Variants in CMTM8 observed in about 807,000 individuals in gnomAD.
The protein encoded by CMTM8 is CKLF like MARVEL transmembrane domain containing 8, also known as CKLF-like MARVEL transmembrane domain-containing protein 8.
CMTM8 carries 12 observed loss-of-function variants against 18.6 expected under a neutral mutation model. That is an observed-to-expected ratio of 0.65 (90% CI 0.41 to 1.05). The LOEUF (loss-of-function observed/expected upper bound fraction) is 1.05. Among genes scored for constraint, CMTM8 ranks in the 50% least tolerant of loss-of-function variants. CMTM8 has a pLI of 0.00. For synonymous variants in CMTM8, 87 were observed against 90.6 expected, an observed-to-expected ratio of 0.96 and a Z score of 0.23; for missense variants, 217 against 227.2, an observed-to-expected ratio of 0.95 and a Z score of 0.29.
intron 1 of CMTM8, among the ~76,000 whole-genome samples, chr3:32,253,965 C>T (rs796236735): frequency 2.6e-5 from 4 of 151,902 alleles, no homozygotes; most frequent in South Asian, 2.1e-4. Flanking sequence ...ACAATCTCAG[C>T]TCACTGCAAC....
At chr3:32,252,207 T>C (rs143440591) in intron 1 of CMTM8, among the ~76,000 whole-genome samples, 108 of 152,386 alleles carry the variant, frequency 7.1e-4, no homozygotes, top group Admixed American at 3.1e-3. Flanking sequence ...CTATTAATCA[T>C]ATTTTATTTC....
chr3:32,240,750 T>C (rs1295693798), intron 1 of CMTM8, among the ~76,000 whole-genome samples: 1 of 152,130 alleles, frequency 6.6e-6, no homozygotes, highest in Non-Finnish European at 1.5e-5. Flanking sequence ...ACTACTATAG[T>C]TTTTATTTTT....
At chr3:32,280,789 G>A (rs73067586) in intron 1 of CMTM8, among the ~76,000 whole-genome samples, 9,883 of 132,598 alleles carry the variant, frequency 0.075, 372 homozygotes, top group South Asian at 0.091. Context: ...GGGTGGAGTC[G>A]ACCCTACTCA....
At chr3:32,278,966 C>T (rs116166185) in intron 1 of CMTM8, among the ~76,000 whole-genome samples, 2 of 152,058 alleles carry the variant, frequency 1.3e-5, no homozygotes, top group Non-Finnish European at 2.9e-5. Flanking sequence ...CTTACTGGCT[C>T]GTGTATCTGA....
chr3:32,244,199 T>G (rs1002493950), intron 1 of CMTM8, among the ~76,000 whole-genome samples: 1 of 151,884 alleles, frequency 6.6e-6, no homozygotes, highest in South Asian at 2.1e-4. Flanking sequence ...ACCTAAGGAG[T>G]TTTTTTGAGA....
At chr3:32,304,376 A>G (rs543043250) in intron 1 of CMTM8, among the ~76,000 whole-genome samples, 47 of 152,274 alleles carry the variant, frequency 3.1e-4, no homozygotes, top group African/African-American at 1.1e-3. Context: ...TGTTCTTCTC[A>G]GCTGTACTTT....
chr3:32,319,074 A>ATATATATATATATATATTTT, intron 1 of CMTM8, among the ~76,000 whole-genome samples: 21 of 31,526 alleles, frequency 6.7e-4, no homozygotes, highest in Admixed American at 2.8e-3. Flanking sequence ...ATATATATAT[A>ATATATATATATATATATTTT]TTTTTTTTTT....
intron 1 of CMTM8, among the ~76,000 whole-genome samples, chr3:32,244,829 G>A (rs1472747472): frequency 6.6e-6 from 1 of 152,104 alleles, no homozygotes; most frequent in East Asian, 1.9e-4. Flanking sequence ...AGTTCCTTGA[G>A]GTAGAATTGT....
chr3:32,241,772 A>G (rs1247766022), intron 1 of CMTM8, among the ~76,000 whole-genome samples: 4 of 152,214 alleles, frequency 2.6e-5, no homozygotes, highest in African/African-American at 4.8e-5. Flanking sequence ...GACCTATGAC[A>G]CTGTAAATAC....
chr3:32,264,850 CAAAG>C (rs1464300942), intron 1 of CMTM8, among the ~76,000 whole-genome samples: 3 of 152,056 alleles, frequency 2.0e-5, no homozygotes, highest in East Asian at 1.9e-4. Flanking sequence ...TCAAAAGAGA[CAAAG>C]AAGGCCATTA....
At chr3:32,252,447 T>C (rs1054528708) in intron 1 of CMTM8, among the ~76,000 whole-genome samples, 1 of 152,230 alleles carries the variant, frequency 6.6e-6, no homozygotes. Flanking sequence ...TTCATTATAT[T>C]TATAAACTAA....
chr3:32,263,052 G>A (rs902988170), intron 1 of CMTM8, among the ~76,000 whole-genome samples: 1 of 151,546 alleles, frequency 6.6e-6, no homozygotes, highest in African/African-American at 2.5e-5. Context: ...CAGTGTGAAC[G>A]ATGCAGAAGA....
At chr3:32,285,375 C>T (rs1040529628) in intron 1 of CMTM8, among the ~76,000 whole-genome samples, 12 of 151,926 alleles carry the variant, frequency 7.9e-5, no homozygotes, top group Non-Finnish European at 1.3e-4. Context: ...ATCAACTGGG[C>T]GTGTTGGCAC....
At chr3:32,334,349 G>A (rs934665505) in intron 1 of CMTM8, among the ~76,000 whole-genome samples, 6 of 151,240 alleles carry the variant, frequency 4.0e-5, no homozygotes, top group African/African-American at 1.2e-4. Context: ...GCTCACGCCT[G>A]TAATCCCAGC....
chr3:32,367,086 C>A (rs1205829435), intron 2 of CMTM8, among the ~76,000 whole-genome samples: 2 of 152,104 alleles, frequency 1.3e-5, no homozygotes, highest in Non-Finnish European at 2.9e-5. Context: ...GATGTTAGAC[C>A]ACAGAGGGCC....
At chr3:32,359,741 C>T (rs1696886165) in intron 2 of CMTM8, among the ~76,000 whole-genome samples, 2 of 152,170 alleles carry the variant, frequency 1.3e-5, no homozygotes, top group Admixed American at 6.5e-5. Flanking sequence ...AAAATATTGC[C>T]TTTAATTGGA....
At chr3:32,259,972 G>A in intron 1 of CMTM8, 1 of 1,125,120 alleles carries the variant, frequency 8.9e-7, no homozygotes, top group South Asian at 1.3e-5. Context: ...TGCTGCACCT[G>A]GAGTCAGAGC....
intron 1 of CMTM8, among the ~76,000 whole-genome samples, chr3:32,322,625 C>G (rs139880330): frequency 3.2e-4 from 48 of 152,268 alleles, no homozygotes; most frequent in African/African-American, 1.0e-3. Flanking sequence ...AGGGCATGTT[C>G]ACTTACTGTG....
At chr3:32,298,019 C>T (rs1695509913) in intron 1 of CMTM8, among the ~76,000 whole-genome samples, 1 of 151,068 alleles carries the variant, frequency 6.6e-6, no homozygotes, top group African/African-American at 2.4e-5. Context: ...AGCCATTGCT[C>T]AGAACTCCAA....
Sources: gnomAD v4.1 joint callset for allele counts (sites outside exome capture counted in the v4.1 genomes callset) on GRCh38, gnomAD v4.1.1 for gene constraint, MANE v1.5 for transcripts, NCBI Gene and HGNC (gene_info 2026-07-23, HGNC 2026-07-21) for gene names.